TFDP2: variants seen among roughly 807,000 people sequenced by gnomAD.
TFDP2 encodes the protein transcription factor Dp-2 (E2F dimerization partner 2).
Under a neutral mutation model 59.3 loss-of-function variants are expected in TFDP2, and 17 were observed. The ratio of observed to expected loss-of-function variants is 0.29; its 90% CI spans 0.20 to 0.43. The LOEUF (loss-of-function observed/expected upper bound fraction) is 0.43, where lower values mean the gene tolerates loss of function less well. Among genes scored for constraint, TFDP2 ranks in the 20% least tolerant of loss-of-function variants. The pLI is 1.00. For missense variants in TFDP2, 391 were observed against 528.8 expected (o/e 0.74, Z 2.56); for synonymous variants, 180 against 194.7 (o/e 0.92, Z 0.63).
rs188779695 is a variant in TFDP2, at chr3:141,946,377, T to C, written c.*6136A>G. ...TGAAACAGCAAGGGGCAAGACAGCA[T>C]TGACTTCAACAGGCCTTTTTTGTAA... On this transcript the variant is annotated 3_prime_UTR_variant, in exon 13 of 13. Transcript: ENST00000489671. 4.0e-4 allele frequency: 61 copies of C among 152,390 alleles called. 1 individual carries two copies. The highest frequency in any genetic ancestry group is 3.4e-3 in the Middle Eastern group (1 of 294). 9.4% of individuals were successfully genotyped at this position (152,390 alleles called of 1,614,324 possible).
At chr3:141,977,099 T>G (rs1269165904) in intron 7 of TFDP2, among the ~76,000 whole-genome samples, 1,434 of 100,524 alleles carry the variant, frequency 0.014, 26 homozygotes, top group Non-Finnish European at 0.022. Flanking sequence ...CATATATATA[T>G]ATATATATTT....
At chr3:141,997,054 C>T (rs1943337752) in intron 4 of TFDP2, among the ~76,000 whole-genome samples, 1 of 152,182 alleles carries the variant, frequency 6.6e-6, no homozygotes, top group Non-Finnish European at 1.5e-5. Context: ...GCACTTCCCA[C>T]TCCACACATC....
At chr3:141,966,916 TA>T (rs10668338) in intron 9 of TFDP2, among the ~76,000 whole-genome samples, 197 of 120,720 alleles carry the variant, frequency 1.6e-3, no homozygotes, top group Admixed American at 2.5e-3. Context: ...GATTACTTAT[TA>T]AAAAAAAAAA....
chr3:142,026,168 A>T (rs917321158), intron 3 of TFDP2, among the ~76,000 whole-genome samples: 1 of 152,086 alleles, frequency 6.6e-6, no homozygotes, highest in African/African-American at 2.4e-5. Context: ...ATCCTGGCTA[A>T]CATGATGAAA....
chr3:141,965,001 G>A (rs111451425), intron 9 of TFDP2, among the ~76,000 whole-genome samples: 11,452 of 152,222 alleles, frequency 0.075, 531 homozygotes, highest in Non-Finnish European at 0.11. Flanking sequence ...GCAGTAAGCC[G>A]AGATTGCACC....
At chr3:142,089,950 C>CTA (rs2108610484) in intron 3 of TFDP2, among the ~76,000 whole-genome samples, 1 of 152,112 alleles carries the variant, frequency 6.6e-6, no homozygotes, top group South Asian at 2.1e-4. Flanking sequence ...TCAAAAGTTT[C>CTA]TATAATATCA....
At chr3:141,957,050 G>A (rs1936777400) in intron 11 of TFDP2, among the ~76,000 whole-genome samples, 2 of 151,978 alleles carry the variant, frequency 1.3e-5, no homozygotes, top group African/African-American at 2.4e-5. Context: ...GGCAGGCACG[G>A]TGGCTCACAT....
rs1203931691 is a variant in TFDP2 at position 141,951,619 on chromosome 3, G to A, written c.*894C>T. The A allele has an allele frequency of 6.6e-6, 1 of 152,608 alleles. No homozygotes were observed. Among genetic ancestry groups the A allele is most frequent in the African/African-American group, 2.4e-5 (1 of 41,438 alleles). 9.5% of individuals were successfully genotyped at this position (152,608 alleles called of 1,614,324 possible). A position where few individuals can be genotyped will look rare whatever the true frequency, so the allele number is the denominator to read the frequency against. ...ATACAATTACTGCAGGGAACTGTAG[G>A]CAAGCAATTTGGTCATAGGAATTTG... On this transcript the variant is annotated 3_prime_UTR_variant, in exon 13 of 13. Coordinates refer to ENST00000489671, the MANE Select transcript of TFDP2 (RefSeq NM_001178139.2).
At chr3:141,992,280 G>T (rs922855833) in intron 6 of TFDP2, among the ~76,000 whole-genome samples, 2 of 151,820 alleles carry the variant, frequency 1.3e-5, no homozygotes, top group Non-Finnish European at 2.9e-5. Context: ...AAAAAAAAAT[G>T]CTAGGAAAAA....
intron 3 of TFDP2, among the ~76,000 whole-genome samples, chr3:142,076,989 C>T (rs2060479787): frequency 1.3e-5 from 2 of 152,326 alleles, no homozygotes; most frequent in South Asian, 4.1e-4. Context: ...CACCCCTTCC[C>T]TATCCCCTGG....
intron 11 of TFDP2, among the ~76,000 whole-genome samples, chr3:141,957,826 AAT>A (rs1315233770): frequency 6.6e-6 from 1 of 152,180 alleles, no homozygotes; most frequent in Non-Finnish European, 1.5e-5. Context: ...AGAATGGGGG[AAT>A]AGAGACTGTT....
At chr3:142,024,875 C>A (rs565893996) in intron 3 of TFDP2, among the ~76,000 whole-genome samples, 59 of 152,070 alleles carry the variant, frequency 3.9e-4, no homozygotes, top group African/African-American at 1.4e-3. Flanking sequence ...CAAAAATTAG[C>A]CGGGTTTGGT....
intron 9 of TFDP2, among the ~76,000 whole-genome samples, 192 bp downstream of exon 9, chr3:141,969,881 G>A (rs1939447431): frequency 6.6e-6 from 1 of 152,200 alleles, no homozygotes; most frequent in Admixed American, 6.5e-5. Context: ...GTGGAGCTGA[G>A]ATGATGGCAA....
chr3:142,047,013 CA>C (rs968833306), intron 3 of TFDP2, among the ~76,000 whole-genome samples: 1 of 152,116 alleles, frequency 6.6e-6, no homozygotes, highest in African/African-American at 2.4e-5. Context: ...AGCCTTCAGC[CA>C]CACTACAATC....
At chr3:142,069,967 G>A (rs367592787) in intron 3 of TFDP2, among the ~76,000 whole-genome samples, 22 of 151,644 alleles carry the variant, frequency 1.5e-4, no homozygotes, top group African/African-American at 4.4e-4. Context: ...GTGCAGTGGC[G>A]TGATCTCGGC....
intron 3 of TFDP2, among the ~76,000 whole-genome samples, chr3:142,071,714 C>T (rs760860924): frequency 2.0e-5 from 3 of 152,082 alleles, no homozygotes; most frequent in Non-Finnish European, 2.9e-5. Context: ...ATCAAAAAGC[C>T]TTGTAAGTGA....
intron 3 of TFDP2, among the ~76,000 whole-genome samples, chr3:142,058,765 T>C (rs1423021550): frequency 1.3e-5 from 2 of 152,174 alleles, no homozygotes; most frequent in East Asian, 3.9e-4. Context: ...AGTACCTCAC[T>C]GTGTCCACCA....
chr3:142,045,866 G>A (rs899767621), intron 3 of TFDP2, among the ~76,000 whole-genome samples: 26 of 151,430 alleles, frequency 1.7e-4, no homozygotes, highest in Non-Finnish European at 3.1e-4. Flanking sequence ...CAAGTGATCC[G>A]CCCACCTTGG....
chr3:142,077,219 T>C (rs1576920330), intron 3 of TFDP2, among the ~76,000 whole-genome samples: 1 of 152,328 alleles, frequency 6.6e-6, no homozygotes, highest in East Asian at 1.9e-4. Flanking sequence ...GGCAGAGCTC[T>C]GGGGTCCTAA....
Sources: gnomAD v4.1 joint callset for allele counts (sites outside exome capture counted in the v4.1 genomes callset) on GRCh38, gnomAD v4.1.1 for gene constraint, MANE v1.5 for transcripts, NCBI Gene and HGNC (gene_info 2026-07-23, HGNC 2026-07-21) for gene names.